The following FOXO1 variants were observed in gnomAD, a reference collection of about 807,000 sequenced individuals.
The protein encoded by FOXO1 is forkhead box protein O1.
Under a neutral mutation model 44.1 loss-of-function variants are expected in FOXO1, and 6 were observed. The observed-to-expected ratio is 0.14, with a 90% CI of 0.07 to 0.27. The LOEUF is 0.27. Among genes scored for constraint, FOXO1 ranks in the 10% least tolerant of loss-of-function variants. The pLI is 1.00. For synonymous variants in FOXO1, 380 were observed against 362.7 expected (o/e 1.05, Z -0.54); for missense variants, 737 against 888.8 (o/e 0.83, Z 2.17).
chr13:40,588,361 T>C (rs555643449), intron 1 of FOXO1, among the ~76,000 whole-genome samples: 15 of 152,332 alleles, frequency 9.8e-5, no homozygotes, highest in African/African-American at 3.6e-4. Context: ...ACTGATGTTT[T>C]AAGTGGAACA....
Position 40,623,839 on chromosome 13 carries a change from C to T in FOXO1, c.630+41744G>A, listed in dbSNP as rs369414248. On this transcript the variant is annotated intron_variant, in intron 1 of 2. Transcript: ENST00000379561. ...TCCCCAGGCCAGGCATGGTGGCTCA[C>T]GCCTGTAATCCCAACACTTTGGGAA... 3.3e-5 allele frequency among the ~76,000 whole-genome samples: 5 copies of T among 151,374 alleles called. No individual in the cohort carries two copies. In the East Asian group the frequency reaches 7.8e-4, roughly 24 times the overall value.
At chr13:40,600,550 C>T (rs1875779022) in intron 1 of FOXO1, among the ~76,000 whole-genome samples, 1 of 152,224 alleles carries the variant, frequency 6.6e-6, no homozygotes, top group Admixed American at 6.5e-5. Context: ...ACTGCAAATG[C>T]TGAGTCAGAT....
intron 1 of FOXO1, among the ~76,000 whole-genome samples, chr13:40,657,116 G>C (rs1877883239): frequency 6.6e-6 from 1 of 152,050 alleles, no homozygotes; most frequent in South Asian, 2.1e-4. Flanking sequence ...CTTTATGAAT[G>C]CCAGTCCACC....
At chr13:40,602,981 T>C (rs762861805) in intron 1 of FOXO1, among the ~76,000 whole-genome samples, 4 of 152,142 alleles carry the variant, frequency 2.6e-5, no homozygotes, top group Non-Finnish European at 4.4e-5. Context: ...TGGATGGGAA[T>C]GAACACCACA....
chr13:40,577,897 A>C (rs1874819693), intron 1 of FOXO1, among the ~76,000 whole-genome samples: 1 of 152,190 alleles, frequency 6.6e-6, no homozygotes, highest in Non-Finnish European at 1.5e-5. Flanking sequence ...TTAGTTTCAG[A>C]TATCAATGCA....
intron 1 of FOXO1, among the ~76,000 whole-genome samples, chr13:40,624,317 T>TAAAAAAAAAAAAAA: frequency 9.9e-6 from 1 of 100,988 alleles, no homozygotes; most frequent in Non-Finnish European, 2.1e-5. Context: ...TAATACTGCT[T>TAAAAAAAAAAAAAA]AAAAAAAAAA....
At chr13:40,663,156 G>A (rs369393398) in intron 1 of FOXO1, among the ~76,000 whole-genome samples, 3 of 151,706 alleles carry the variant, frequency 2.0e-5, no homozygotes, top group East Asian at 4.1e-4. Flanking sequence ...GCTGCCCAAG[G>A]GCCTCCAATT....
chr13:40,595,541 C>T (rs1294705307), intron 1 of FOXO1, among the ~76,000 whole-genome samples: 2 of 151,968 alleles, frequency 1.3e-5, no homozygotes, highest in East Asian at 3.9e-4. Context: ...TACATGTATA[C>T]AGTGTATAAT....
intron 1 of FOXO1, among the ~76,000 whole-genome samples, chr13:40,570,767 T>C (rs1274146987): frequency 6.6e-6 from 1 of 152,214 alleles, no homozygotes; most frequent in Admixed American, 6.5e-5. Flanking sequence ...GGCAAAGCCC[T>C]TTAATTTTCA....
intron 1 of FOXO1, among the ~76,000 whole-genome samples, chr13:40,639,375 G>A (rs766396981): frequency 1.8e-4 from 27 of 151,356 alleles, no homozygotes; most frequent in Non-Finnish European, 3.1e-4. Flanking sequence ...CCACAGGGTC[G>A]CCTGTCAGTA....
chr13:40,620,165 TAGA>T (rs1306508651), intron 1 of FOXO1: 2 of 1,516,058 alleles, frequency 1.3e-6, no homozygotes, highest in East Asian at 2.3e-5. Context: ...AGAATAACAG[TAGA>T]AGAAGAATCC....
chr13:40,556,321 G>C lies in FOXO1; in HGVS notation c.*2728C>G, dbSNP rs1374499307. ...ATTTAGACTTTGTCAGTTTGTCAAA[G>C]CAGAACTTTCCAAGTAATACATCTA... On this transcript the variant is annotated 3_prime_UTR_variant, in exon 3 of 3. Coordinates refer to ENST00000379561, the MANE Select transcript of FOXO1 (RefSeq NM_002015.4). 6.6e-6 allele frequency: 1 copy of C among 152,606 alleles called. No individual in the cohort carries two copies. The highest frequency in any genetic ancestry group is 1.5e-5 in the Non-Finnish European group (1 of 68,040). 9.5% of individuals were successfully genotyped at this position (152,606 alleles called of 1,614,324 possible).
At chr13:40,584,985 A>G (rs1875101773) in intron 1 of FOXO1, among the ~76,000 whole-genome samples, 1 of 152,232 alleles carries the variant, frequency 6.6e-6, no homozygotes. Flanking sequence ...ATGTTATTCC[A>G]GGTAGATTCT....
chr13:40,562,201 T>G (rs1874055246), intron 1 of FOXO1, among the ~76,000 whole-genome samples: 1 of 152,118 alleles, frequency 6.6e-6, no homozygotes, highest in African/African-American at 2.4e-5. Context: ...ACCAACTAAC[T>G]CCATGACACA....
chr13:40,587,429 T>G (rs1875210256), intron 1 of FOXO1, among the ~76,000 whole-genome samples: 1 of 152,142 alleles, frequency 6.6e-6, no homozygotes, highest in African/African-American at 2.4e-5. Flanking sequence ...CATGACTAGT[T>G]TTAAACTTCC....
At chr13:40,660,010 A>T (rs910608410) in intron 1 of FOXO1, among the ~76,000 whole-genome samples, 3 of 152,028 alleles carry the variant, frequency 2.0e-5, no homozygotes, top group Admixed American at 2.0e-4. Context: ...TGTCTTCCAC[A>T]CTCTAAGTAT....
intron 2 of FOXO1, 38 bp downstream of exon 2, chr13:40,559,471 A>G: frequency 6.6e-7 from 1 of 1,513,560 alleles, no homozygotes. Context: ...TTTAAGTTCT[A>G]TTTTTCAAAA....
chr13:40,564,062 G>C (rs552136283), intron 1 of FOXO1, among the ~76,000 whole-genome samples: 5 of 152,300 alleles, frequency 3.3e-5, no homozygotes, highest in African/African-American at 1.2e-4. Flanking sequence ...TAATGATAAA[G>C]GGGGAAGAAA....
chr13:40,585,334 T>TGC lies in FOXO1; in HGVS notation c.631-24476_631-24475dup, dbSNP rs201623798. Among the ~76,000 whole-genome samples the TGC allele has an allele frequency of 4.6e-3, 615 of 134,212 alleles. 5 individuals carry two copies. Among genetic ancestry groups the TGC allele is most frequent in the Admixed American group, 8.4e-3 (112 of 13,358 alleles). 88.0% of individuals were successfully genotyped at this position (134,212 alleles called of 152,430 possible). ...CCCTTTAGTATGTAAGTATTTCCTC[T>TGC]GCGCGCGCGCACACACACACACACA... On this transcript the variant is annotated intron_variant, in intron 1 of 2. Transcript: ENST00000379561.
Sources: allele counts gnomAD v4.1 joint callset (sites outside exome capture counted in the v4.1 genomes callset), GRCh38; gene constraint gnomAD v4.1.1; transcripts MANE v1.5; gene names NCBI Gene and HGNC (gene_info 2026-07-23, HGNC 2026-07-21).